The following THSD7B variants were observed in gnomAD, a reference collection of about 807,000 sequenced individuals.
The protein encoded by THSD7B is thrombospondin type 1 domain containing 7B.
In THSD7B, 138 loss-of-function variants were observed where a neutral mutation model predicts 213.6. The observed-to-expected ratio is 0.65, with a 90% CI of 0.56 to 0.74. The LOEUF is 0.74. Among genes scored for constraint, THSD7B ranks in the 30% least tolerant of loss-of-function variants. The pLI is 0.00. For missense variants in THSD7B, 1,931 were observed against 1,991.5 expected (o/e 0.97, Z 0.58); for synonymous variants, 742 against 687.0 (o/e 1.08, Z -1.25).
intron 12 of THSD7B, among the ~76,000 whole-genome samples, chr2:137,303,303 T>C (rs1227198931): frequency 6.6e-6 from 1 of 152,194 alleles, no homozygotes; most frequent in East Asian, 1.9e-4. Context: ...ATGACAGGCA[T>C]GAGCCACTGC....
At chr2:137,643,989 G>C (rs1443663761) in intron 21 of THSD7B, among the ~76,000 whole-genome samples, 1 of 152,164 alleles carries the variant, frequency 6.6e-6, no homozygotes, top group African/African-American at 2.4e-5. Context: ...AATGCCAAAT[G>C]CTATGTTTTG....
At chr2:137,075,824 G>T (rs1687609019) in intron 3 of THSD7B, among the ~76,000 whole-genome samples, 1 of 152,184 alleles carries the variant, frequency 6.6e-6, no homozygotes, top group Non-Finnish European at 1.5e-5. Flanking sequence ...CTCAGCTGCA[G>T]GTCTGTTGGA....
intron 18 of THSD7B, among the ~76,000 whole-genome samples, chr2:137,617,505 G>T (rs933573538): frequency 6.6e-6 from 1 of 152,072 alleles, no homozygotes; most frequent in Non-Finnish European, 1.5e-5. Flanking sequence ...AAAAAATATA[G>T]TTTCTGTAAC....
At chr2:137,610,195 G>A (rs1010255959) in intron 17 of THSD7B, among the ~76,000 whole-genome samples, 1 of 152,020 alleles carries the variant, frequency 6.6e-6, no homozygotes, top group Non-Finnish European at 1.5e-5. Flanking sequence ...TCCAAACCCC[G>A]AAGTAGATTT....
At chr2:136,785,923 CCAGT>C (rs151173663) in intron 1 of THSD7B, among the ~76,000 whole-genome samples, 5,805 of 152,216 alleles carry the variant, frequency 0.038, 224 homozygotes, top group East Asian at 0.2. Flanking sequence ...AGCCCAGTGA[CCAGT>C]CAAACAAATG....
intron 1 of THSD7B, among the ~76,000 whole-genome samples, chr2:136,826,708 G>A (rs1481052570): frequency 6.6e-6 from 1 of 152,250 alleles, no homozygotes; most frequent in African/African-American, 2.4e-5. Flanking sequence ...AAAAAGAGAG[G>A]CGATGAATTT....
chr2:136,797,353 T>C (rs1249105572), intron 1 of THSD7B, among the ~76,000 whole-genome samples: 1 of 151,944 alleles, frequency 6.6e-6, no homozygotes, highest in Non-Finnish European at 1.5e-5. Flanking sequence ...TAAATAACCC[T>C]TCCATGTTTT....
chr2:136,825,282 T>C (rs963939755), intron 1 of THSD7B, among the ~76,000 whole-genome samples: 3 of 152,174 alleles, frequency 2.0e-5, no homozygotes, highest in Non-Finnish European at 2.9e-5. Flanking sequence ...AACAAATTTA[T>C]TATCTTATAG....
intron 20 of THSD7B, among the ~76,000 whole-genome samples, chr2:137,639,220 T>C (rs1270498923): frequency 2.6e-5 from 4 of 152,048 alleles, no homozygotes; most frequent in African/African-American, 9.7e-5. Context: ...TCCCAGCTGC[T>C]CCAGCTGTGG....
At chr2:137,553,749 T>C (rs1680896048) in intron 15 of THSD7B, among the ~76,000 whole-genome samples, 2 of 152,210 alleles carry the variant, frequency 1.3e-5, no homozygotes, top group Non-Finnish European at 2.9e-5. Flanking sequence ...TTCTCTCCCT[T>C]AGAACATTTT....
intron 2 of THSD7B, among the ~76,000 whole-genome samples, chr2:137,019,553 T>G (rs1686404300): frequency 6.6e-6 from 1 of 152,236 alleles, no homozygotes. Flanking sequence ...GTCTAGAATA[T>G]GTCATCTCAC....
intron 17 of THSD7B, among the ~76,000 whole-genome samples, chr2:137,587,685 G>A (rs549331020): frequency 2.0e-5 from 3 of 152,334 alleles, no homozygotes; most frequent in African/African-American, 7.2e-5. Flanking sequence ...CTGTCTGATT[G>A]TTCTTCTGGA....
chr2:137,564,744 C>T (rs2105225774), intron 16 of THSD7B, among the ~76,000 whole-genome samples: 1 of 152,202 alleles, frequency 6.6e-6, no homozygotes, highest in Non-Finnish European at 1.5e-5. Flanking sequence ...GAGGAAAACA[C>T]ACTTGAACAA....
intron 15 of THSD7B, among the ~76,000 whole-genome samples, chr2:137,504,995 A>G (rs1679802164): frequency 6.6e-6 from 1 of 151,554 alleles, no homozygotes; most frequent in Non-Finnish European, 1.5e-5. Flanking sequence ...GGAGGAAAGC[A>G]GGAAGGGAGA....
At chr2:136,936,639 A>T (rs1684735805) in intron 2 of THSD7B, among the ~76,000 whole-genome samples, 1 of 152,170 alleles carries the variant, frequency 6.6e-6, no homozygotes, top group Admixed American at 6.6e-5. Flanking sequence ...AAAGGAATAA[A>T]AATGAAACAA....
intron 2 of THSD7B, among the ~76,000 whole-genome samples, chr2:136,953,337 G>T (rs985511912): frequency 6.6e-6 from 1 of 152,130 alleles, no homozygotes. Flanking sequence ...AATCTGATTA[G>T]TGGCTTTAAA....
chr2:137,073,313 T>C (rs200243238), intron 3 of THSD7B, among the ~76,000 whole-genome samples: 405 of 134,136 alleles, frequency 3.0e-3, no homozygotes, highest in Middle Eastern at 7.6e-3. Context: ...AGATTCAGCT[T>C]CTTCCTGGTT....
At chr2:137,481,917 C>T (rs766683463) in intron 15 of THSD7B, among the ~76,000 whole-genome samples, 7 of 152,210 alleles carry the variant, frequency 4.6e-5, no homozygotes, top group Non-Finnish European at 8.8e-5. Flanking sequence ...GTGGCTCACA[C>T]CTGTAATCCC....
intron 2 of THSD7B, among the ~76,000 whole-genome samples, chr2:137,041,088 G>C (rs1461286308): frequency 6.6e-6 from 1 of 152,048 alleles, no homozygotes; most frequent in African/African-American, 2.4e-5. Context: ...GATATAACAG[G>C]GTACAGCTCA....
Sources: gnomAD v4.1 joint callset for allele counts (sites outside exome capture counted in the v4.1 genomes callset) on GRCh38, gnomAD v4.1.1 for gene constraint, MANE v1.5 for transcripts, NCBI Gene and HGNC (gene_info 2026-07-23, HGNC 2026-07-21) for gene names.